Variants in NRXN3 observed in about 807,000 individuals in gnomAD.
The protein encoded by NRXN3 is neurexin III.
A neutral mutation model predicts 137.6 loss-of-function variants in NRXN3; 32 were observed. That is an observed-to-expected ratio of 0.23 (90% confidence interval 0.18 to 0.31). The LOEUF is 0.31. Among genes scored for constraint, NRXN3 ranks in the 10% least tolerant of loss-of-function variants. NRXN3 has a pLI of 1.00. For missense variants in NRXN3, 1,574 were observed against 2,062.5 expected (o/e 0.76, Z 4.59); for synonymous variants, 798 against 784.5 (o/e 1.02, Z -0.29).
At chr14:78,224,013 G>C (rs2153427807) in intron 1 of NRXN3, among the ~76,000 whole-genome samples, 1 of 152,106 alleles carries the variant, frequency 6.6e-6, no homozygotes, top group Non-Finnish European at 1.5e-5. Context: ...ATGAGCCGTG[G>C]CCACCTTATT....
intron 1 of NRXN3, among the ~76,000 whole-genome samples, chr14:78,189,003 T>A (rs922234787): frequency 6.6e-6 from 1 of 152,112 alleles, no homozygotes; most frequent in African/African-American, 2.4e-5. Flanking sequence ...TGATTTTACC[T>A]CCTGCCCCAA....
chr14:78,911,686 A>T (rs2099238174), intron 10 of NRXN3, among the ~76,000 whole-genome samples: 2 of 152,154 alleles, frequency 1.3e-5, no homozygotes, highest in Non-Finnish European at 2.9e-5. Context: ...GCATGTTCAC[A>T]TTTCACCTTG....
chr14:79,423,663 G>C (rs1160023), intron 15 of NRXN3, among the ~76,000 whole-genome samples: 3 of 152,148 alleles, frequency 2.0e-5, no homozygotes, highest in African/African-American at 7.2e-5. Flanking sequence ...TGAAAGCGTC[G>C]GTTGCTCTCA....
intron 18 of NRXN3, among the ~76,000 whole-genome samples, chr14:79,695,213 T>C (rs975330633): frequency 2.7e-5 from 4 of 150,494 alleles, no homozygotes; most frequent in African/African-American, 9.9e-5. Flanking sequence ...CTTTGCATTT[T>C]CAGTTTTCTC....
rs564003215 is a variant in NRXN3 at position 79,268,716 on chromosome 14, G to T, written c.3263-198505G>T. On this transcript the variant is annotated intron_variant, in intron 15 of 20. Coordinates refer to ENST00000335750, the MANE Select transcript of NRXN3 (RefSeq NM_001330195.2). ...GTAGACACAGTAGATAGGTGGTTTG[G>T]GTTCAAATACTGGCTCTGGCACCTC... 3.3e-5 allele frequency among the ~76,000 whole-genome samples: 5 copies of T among 152,210 alleles called. No homozygotes were observed. In the South Asian group the frequency reaches 1.0e-3, roughly 32 times the overall value.
At chr14:78,550,182 G>A (rs2096673636) in intron 4 of NRXN3, among the ~76,000 whole-genome samples, 1 of 151,988 alleles carries the variant, frequency 6.6e-6, no homozygotes, top group East Asian at 1.9e-4. Context: ...CGACAGTCAT[G>A]TGCCACCACG....
intron 16 of NRXN3, among the ~76,000 whole-genome samples, chr14:79,623,895 A>G (rs2098253035): frequency 9.5e-6 from 1 of 105,266 alleles, no homozygotes. Flanking sequence ...GTAGAATATT[A>G]GAATGTTTCA....
intron 19 of NRXN3, among the ~76,000 whole-genome samples, chr14:79,736,726 C>T (rs10140468): frequency 3.9e-5 from 6 of 152,140 alleles, no homozygotes; most frequent in African/African-American, 7.2e-5. Flanking sequence ...GTGAGGATGT[C>T]GAGTGAATGA....
chr14:78,467,707 C>T (rs1229424211), intron 4 of NRXN3, among the ~76,000 whole-genome samples: 1 of 152,212 alleles, frequency 6.6e-6, no homozygotes, highest in Admixed American at 6.5e-5. Flanking sequence ...TGTAGACATG[C>T]ATGCAAGTGC....
intron 4 of NRXN3, among the ~76,000 whole-genome samples, chr14:78,476,099 C>T (rs1010332073): frequency 2.0e-5 from 3 of 152,236 alleles, no homozygotes; most frequent in Admixed American, 6.5e-5. Context: ...AATAATTTGA[C>T]AAATCCATTA....
At chr14:79,444,750 C>T (rs932435270) in intron 15 of NRXN3, among the ~76,000 whole-genome samples, 5 of 152,152 alleles carry the variant, frequency 3.3e-5, no homozygotes, top group Non-Finnish European at 7.3e-5. Context: ...GTTGCTTGAG[C>T]GCAGGGGTTC....
At chr14:78,862,803 T>G (rs920808451) in intron 10 of NRXN3, among the ~76,000 whole-genome samples, 1 of 152,134 alleles carries the variant, frequency 6.6e-6, no homozygotes, top group Non-Finnish European at 1.5e-5. Flanking sequence ...TTTAAACATA[T>G]AAAAATTATA....
chr14:78,714,884 G>A lies in NRXN3; in HGVS notation c.1789G>A (p.Glu597Lys), dbSNP rs2098424505. ...CCGTGCTGGCCTTATTCTCCCCACC[G>A]AGCTGTGGACTGCCATGCTCAACTA... ...ENRAGLILPT[E>K]LWTAMLNYGY... is the part of the protein sequence containing the mutation. The change falls in exon 8 of 21, where the codon GAG becomes AAG. Residue 597 changes from glutamate (E) to lysine (K), a missense_variant. Around this residue, in one of 5 missense-constraint regions of NRXN3, gnomAD observed 718 missense variants for 887.6 expected, o/e 0.81. Coordinates refer to ENST00000335750, the MANE Select transcript of NRXN3 (RefSeq NM_001330195.2). 4 of 1,614,130 alleles carry A rather than the reference G, an allele frequency of 2.5e-6. No individual in the cohort carries two copies. The highest frequency in any genetic ancestry group is 2.5e-6 in the Non-Finnish European group (3 of 1,179,996).
chr14:79,055,158 C>T (rs188611843), intron 15 of NRXN3, among the ~76,000 whole-genome samples: 2 of 152,268 alleles, frequency 1.3e-5, no homozygotes, highest in East Asian at 3.9e-4. Flanking sequence ...TCCATTCCAC[C>T]AAATCGGAAC....
chr14:79,403,129 C>T (rs1302586374), intron 15 of NRXN3, among the ~76,000 whole-genome samples: 3 of 152,030 alleles, frequency 2.0e-5, no homozygotes, highest in African/African-American at 7.2e-5. Flanking sequence ...TCAGAAGAGA[C>T]ATTAGAGGCT....
chr14:78,776,650 T>G (rs2153011756), intron 8 of NRXN3, among the ~76,000 whole-genome samples: 1 of 152,276 alleles, frequency 6.6e-6, no homozygotes, highest in African/African-American at 2.4e-5. Context: ...TCAGCAGAGG[T>G]GGTAAAAATG....
intron 16 of NRXN3, among the ~76,000 whole-genome samples, chr14:79,480,406 G>A (rs1421885514): frequency 6.6e-6 from 1 of 152,126 alleles, no homozygotes; most frequent in Non-Finnish European, 1.5e-5. Context: ...TGTGAATGAC[G>A]TGGTTTTCCT....
chr14:79,679,485 A>C (rs2098658398), intron 17 of NRXN3, among the ~76,000 whole-genome samples: 1 of 152,170 alleles, frequency 6.6e-6, no homozygotes, highest in Non-Finnish European at 1.5e-5. Context: ...TGAACATCGA[A>C]AACTTCAAAG....
chr14:79,755,221 G>C (rs915341985), intron 19 of NRXN3, among the ~76,000 whole-genome samples: 4 of 152,076 alleles, frequency 2.6e-5, no homozygotes, highest in Admixed American at 1.3e-4. Flanking sequence ...CTCTAGATTA[G>C]TTATAATACC....
Sources: allele counts gnomAD v4.1 joint callset (sites outside exome capture counted in the v4.1 genomes callset), GRCh38; gene constraint gnomAD v4.1.1; regional missense constraint gnomAD v4.1.1; transcripts MANE v1.5; gene names NCBI Gene and HGNC (gene_info 2026-07-23, HGNC 2026-07-21).